SEC24D: variants seen among roughly 807,000 people sequenced by gnomAD.
SEC24D encodes protein transport protein Sec24D.
SEC24D carries 69 observed loss-of-function variants against 116.9 expected under a neutral mutation model. The observed-to-expected ratio is 0.59, with a 90% CI of 0.49 to 0.72. The LOEUF is 0.72. Ranked by LOEUF, SEC24D falls within the 30% of genes least tolerant of loss-of-function variation. The pLI is 0.00. For synonymous variants in SEC24D, 405 were observed against 442.8 expected, an observed-to-expected ratio of 0.91 and a Z score of 1.07; for missense variants, 1,131 against 1,264.1, an observed-to-expected ratio of 0.89 and a Z score of 1.60.
chr4:118,754,417 C>T (rs897573880), intron 11 of SEC24D, among the ~76,000 whole-genome samples: 2 of 152,068 alleles, frequency 1.3e-5, no homozygotes, highest in Non-Finnish European at 2.9e-5. Flanking sequence ...GAAATCTCCC[C>T]GATGCTACCA....
intron 1 of SEC24D, among the ~76,000 whole-genome samples, chr4:118,834,690 A>G (rs1731015452): frequency 6.6e-6 from 1 of 152,232 alleles, no homozygotes; most frequent in Admixed American, 6.5e-5. Context: ...AATGAGCTGA[A>G]GAACCTCTCT....
At chr4:118,820,363 T>C (rs1578474209) in intron 3 of SEC24D, among the ~76,000 whole-genome samples, 1 of 152,180 alleles carries the variant, frequency 6.6e-6, no homozygotes, top group Admixed American at 6.5e-5. Context: ...GTATTTTTAG[T>C]AGAGACAGGG....
At chr4:118,754,518 C>T (rs1726989861) in intron 11 of SEC24D, among the ~76,000 whole-genome samples, 2 of 152,118 alleles carry the variant, frequency 1.3e-5, no homozygotes, top group Non-Finnish European at 1.5e-5. Flanking sequence ...TCCTTGACTG[C>T]ATGCTAATAA....
chr4:118,768,865 T>C (rs1482365597), intron 8 of SEC24D, among the ~76,000 whole-genome samples: 2 of 152,260 alleles, frequency 1.3e-5, no homozygotes, highest in Non-Finnish European at 2.9e-5. Flanking sequence ...TTTATGTCTA[T>C]CTGCATATGC....
In SEC24D at chr4:118,792,802, CAT is replaced by C. The variant is rs367684585; in HGVS notation, c.1041+4879_1041+4880del. On this transcript the variant is annotated intron_variant, in intron 8 of 22. Transcript: ENST00000280551. Reference sequence around the variant, plus strand: ...TAGGAAAACCAGAGACCTTTGTTCACATGTTTATCTGCTGACCTTCCCTCCAC... The same window carrying C: ...TAGGAAAACCAGAGACCTTTGTTCACGTTTATCTGCTGACCTTCCCTCCAC... 2.3e-3 allele frequency among the ~76,000 whole-genome samples: 353 copies of C among 152,298 alleles called. 2 individuals are homozygous for C. Among genetic ancestry groups the C allele is most frequent in the African/African-American group, 7.9e-3 (330 of 41,560 alleles).
At chr4:118,783,608 G>T (rs1010924945) in intron 8 of SEC24D, among the ~76,000 whole-genome samples, 2 of 152,158 alleles carry the variant, frequency 1.3e-5, no homozygotes. Context: ...AATGGTCATA[G>T]TTTATAAATT....
intron 8 of SEC24D, among the ~76,000 whole-genome samples, chr4:118,791,218 C>T (rs1728879160): frequency 6.6e-6 from 1 of 151,860 alleles, no homozygotes; most frequent in South Asian, 2.1e-4. Context: ...TTTTTGGACA[C>T]GTTAAGTTTG....
chr4:118,744,994 T>A lies in SEC24D; in HGVS notation c.1774A>T (p.Lys592Ter). 6.2e-7 allele frequency: 1 copy of A among 1,612,930 alleles called. No individual in the cohort carries two copies. Among genetic ancestry groups the A allele is most frequent in the Non-Finnish European group, 8.5e-7 (1 of 1,179,516 alleles). Reference sequence around the variant, plus strand: ...TTTTTGTCATCTCTGTTTTTGAGCTTCCCTGGTGCTTCAGCAGTTGGCAAG... The same window carrying A: ...TTTTTGTCATCTCTGTTTTTGAGCTACCCTGGTGCTTCAGCAGTTGGCAAG... ...SSLPTAEAPGKLKNRDDKKLV... is the reference protein window; with the variant it reads ...SSLPTAEAPG Residue 592 changes from lysine (K) to a stop codon, truncating the protein, a stop_gained, in exon 14 of 23, where the codon AAG becomes TAG. Coordinates refer to ENST00000280551, the MANE Select transcript of SEC24D (RefSeq NM_014822.4). LOFTEE classifies it high-confidence loss of function.
chr4:118,787,470 G>A (rs768371961), intron 8 of SEC24D, among the ~76,000 whole-genome samples: 1 of 152,036 alleles, frequency 6.6e-6, no homozygotes, highest in African/African-American at 2.4e-5. Context: ...CTAAATTTAG[G>A]CTATACATGA....
At chr4:118,753,972 AATGGAAGTATCTAG>A (rs920154837) in intron 11 of SEC24D, 1 of 152,156 alleles carries the variant, frequency 6.6e-6, no homozygotes. Flanking sequence ...GGGAGAGGAA[AATGGAAGTATCTAG>A]ATGGAAGTAT....
chr4:118,739,324 T>A, intron 17 of SEC24D, 37 bp from the exon 18 acceptor site: 1 of 1,593,698 alleles, frequency 6.3e-7, no homozygotes, highest in Non-Finnish European at 8.6e-7. Flanking sequence ...GTTTTTCTGA[T>A]TAACATATCC....
chr4:118,835,182 T>C (rs1191105582), intron 1 of SEC24D, among the ~76,000 whole-genome samples: 1 of 152,132 alleles, frequency 6.6e-6, no homozygotes, highest in African/African-American at 2.4e-5. Context: ...CACACCTAAG[T>C]AGCAGCCTGT....
chr4:118,817,191 T>G (rs1168099725), intron 4 of SEC24D, 73 bp downstream of exon 4: 1 of 1,283,266 alleles, frequency 7.8e-7, no homozygotes, highest in African/African-American at 1.5e-5. Flanking sequence ...ATTTTAAAAA[T>G]GAAGAAAACC....
At chr4:118,775,338 A>G (rs1728081687) in intron 8 of SEC24D, among the ~76,000 whole-genome samples, 1 of 114,132 alleles carries the variant, frequency 8.8e-6, no homozygotes. Context: ...GTGTTAAAGC[A>G]AAAGGTCAAA....
Position 118,803,738 on chromosome 4 carries a change from A to G in SEC24D, c.913+2105T>C, listed in dbSNP as rs116303397. 8.1e-3 allele frequency among the ~76,000 whole-genome samples: 1,232 copies of G among 152,278 alleles called. 17 individuals are homozygous for G. The highest frequency in any genetic ancestry group is 0.028 in the African/African-American group (1,170 of 41,548). On this transcript the variant is annotated intron_variant, in intron 7 of 22. Transcript: ENST00000280551. ...ATTCTAGCTTTGCCTCCTACTAGCT[A>G]CATTTCTTAGGTAAATTACCTAAGC...
At chr4:118,754,360 T>A (rs1292465689) in intron 11 of SEC24D, among the ~76,000 whole-genome samples, 1 of 152,132 alleles carries the variant, frequency 6.6e-6, no homozygotes, top group African/African-American at 2.4e-5. Flanking sequence ...ACCCGATTCA[T>A]TTGAATCTTA....
chr4:118,735,277 CAAG>C (rs986784754), intron 19 of SEC24D, among the ~76,000 whole-genome samples: 6 of 152,062 alleles, frequency 3.9e-5, no homozygotes, highest in African/African-American at 1.4e-4. Flanking sequence ...TGAAAGAAAA[CAAG>C]AAGACAATCT....
intron 8 of SEC24D, among the ~76,000 whole-genome samples, chr4:118,774,763 C>A (rs1023418961): frequency 6.6e-6 from 1 of 152,142 alleles, no homozygotes; most frequent in Admixed American, 6.6e-5. Context: ...TCTATAGGAG[C>A]TGCCATATAC....
chr4:118,810,128 GTGTGTGTGT>G lies in SEC24D; in HGVS notation c.802-4183_802-4175del, dbSNP rs1560737251. On this transcript the variant is annotated intron_variant, in intron 6 of 22. Coordinates refer to ENST00000280551, the MANE Select transcript of SEC24D (RefSeq NM_014822.4). ...TGTGTGTGTGTGTGTGTGTGTGTGT[GTGTGTGTGT>G]CAGAGGGTATAGGGGAGCCAGGGGT... Among the ~76,000 whole-genome samples, 217 of 125,066 alleles carry G rather than the reference GTGTGTGTGT, an allele frequency of 1.7e-3. 4 individuals carry two copies. Among genetic ancestry groups the G allele is most frequent in the South Asian group, 7.5e-3 (32 of 4,264 alleles). 82.0% of individuals were successfully genotyped at this position (125,066 alleles called of 152,430 possible).
Sources: gnomAD v4.1 joint callset for allele counts (sites outside exome capture counted in the v4.1 genomes callset) on GRCh38, gnomAD v4.1.1 for gene constraint, MANE v1.5 for transcripts, NCBI Gene and HGNC (gene_info 2026-07-23, HGNC 2026-07-21) for gene names.